PDE11A: variants seen among roughly 807,000 people sequenced by gnomAD.
PDE11A encodes phosphodiesterase 11A.
In PDE11A, 100 loss-of-function variants were observed where a neutral mutation model predicts 100.5. That is an observed-to-expected ratio of 1.00 (90% CI 0.85 to 1.18). The LOEUF is 1.18. PDE11A is among the 50% of genes most tolerant of loss of function. The probability of loss-of-function intolerance (pLI) is 0.00; values close to 1 mark genes in which losing one functional copy is unlikely to be tolerated. For missense variants in PDE11A, 1,141 were observed against 1,152.6 expected, an observed-to-expected ratio of 0.99 and a Z score of 0.15; for synonymous variants, 381 against 420.8, an observed-to-expected ratio of 0.91 and a Z score of 1.16.
At chr2:177,643,162 C>A (rs1035147323) in intron 19 of PDE11A, among the ~76,000 whole-genome samples, 1 of 152,098 alleles carries the variant, frequency 6.6e-6, no homozygotes, top group Admixed American at 6.5e-5. Flanking sequence ...TGAAAAGACA[C>A]CCGAATATGT....
chr2:177,663,141 T>C (rs541414824), intron 19 of PDE11A, among the ~76,000 whole-genome samples: 27 of 151,032 alleles, frequency 1.8e-4, no homozygotes, highest in Admixed American at 1.7e-3. Flanking sequence ...CAATAAACTG[T>C]TAGTGTTAAC....
At chr2:177,704,209 G>C (rs2081243277) in intron 13 of PDE11A, among the ~76,000 whole-genome samples, 1 of 152,090 alleles carries the variant, frequency 6.6e-6, no homozygotes, top group Admixed American at 6.6e-5. Context: ...TGACCTTCAG[G>C]AAGCTCACAA....
At chr2:177,765,717 G>A (rs904460208) in intron 10 of PDE11A, among the ~76,000 whole-genome samples, 36 of 152,196 alleles carry the variant, frequency 2.4e-4, no homozygotes, top group African/African-American at 8.4e-4. Context: ...TGGATCCATG[G>A]GAGGCTGAGG....
At chr2:178,052,486 T>C (rs963331539) in intron 1 of PDE11A, among the ~76,000 whole-genome samples, 8 of 152,072 alleles carry the variant, frequency 5.3e-5, no homozygotes, top group Non-Finnish European at 1.2e-4. Flanking sequence ...ATTCAAAAGC[T>C]AGCAGAAGGC....
chr2:177,742,562 G>T (rs190640321), intron 10 of PDE11A, among the ~76,000 whole-genome samples: 3 of 152,278 alleles, frequency 2.0e-5, no homozygotes, highest in Non-Finnish European at 4.4e-5. Context: ...CTTGCTATGT[G>T]TCAGGTACAT....
intron 2 of PDE11A, among the ~76,000 whole-genome samples, chr2:178,009,699 T>C (rs2086253841): frequency 6.6e-6 from 1 of 152,206 alleles, no homozygotes; most frequent in Non-Finnish European, 1.5e-5. Context: ...CACTGAATTA[T>C]AGGTGTAGAA....
chr2:177,938,124 G>C (rs973655675), intron 2 of PDE11A, among the ~76,000 whole-genome samples: 2 of 152,162 alleles, frequency 1.3e-5, no homozygotes, highest in Non-Finnish European at 2.9e-5. Context: ...TGAAAGGGAA[G>C]GTTGGAAGGG....
At chr2:177,737,443 A>ACACACACACACACACT (rs1236425877) in intron 10 of PDE11A, among the ~76,000 whole-genome samples, 1 of 148,710 alleles carries the variant, frequency 6.7e-6, no homozygotes, top group Non-Finnish European at 1.5e-5. Context: ...ACACACACAC[A>ACACACACACACACACT]CACACAAATT....
chr2:177,684,111 C>CT (rs1222495000), intron 15 of PDE11A, among the ~76,000 whole-genome samples: 4 of 152,154 alleles, frequency 2.6e-5, no homozygotes, highest in Non-Finnish European at 4.4e-5. Context: ...AGAAATTCAT[C>CT]TTTTTTTCAA....
At chr2:177,948,975 T>C (rs1035340588) in intron 2 of PDE11A, among the ~76,000 whole-genome samples, 1 of 152,258 alleles carries the variant, frequency 6.6e-6, no homozygotes, top group African/African-American at 2.4e-5. Flanking sequence ...TCTTTTTGCA[T>C]GGCATATGGA....
intron 10 of PDE11A, among the ~76,000 whole-genome samples, chr2:177,738,426 C>T (rs1229081516): frequency 3.3e-5 from 5 of 152,086 alleles, no homozygotes; most frequent in Non-Finnish European, 7.4e-5. Context: ...AGACAAGAGG[C>T]AGTTAAGCTT....
At chr2:177,790,300 A>C (rs1558939881) in intron 9 of PDE11A, among the ~76,000 whole-genome samples, 2 of 151,748 alleles carry the variant, frequency 1.3e-5, no homozygotes, top group South Asian at 4.2e-4. Context: ...AGGATTCCCT[A>C]TTTAATAAAT....
chr2:177,802,208 T>C (rs1353521342), intron 9 of PDE11A, among the ~76,000 whole-genome samples: 1 of 152,068 alleles, frequency 6.6e-6, no homozygotes, highest in Non-Finnish European at 1.5e-5. Context: ...ATGATAGCAT[T>C]AAATACTGGT....
At chr2:177,663,139 T>C (rs933245977) in intron 19 of PDE11A, among the ~76,000 whole-genome samples, 39 of 150,988 alleles carry the variant, frequency 2.6e-4, no homozygotes, top group Admixed American at 2.5e-3. Flanking sequence ...TACAATAAAC[T>C]GTTAGTGTTA....
At chr2:177,780,955 C>A (rs2082446068) in intron 9 of PDE11A, among the ~76,000 whole-genome samples, 1 of 152,196 alleles carries the variant, frequency 6.6e-6, no homozygotes, top group South Asian at 2.1e-4. Flanking sequence ...TTTTTAATTT[C>A]CTTCAAAAAC....
chr2:178,074,508 C>T (rs1262605634), upstream of PDE11A, among the ~76,000 whole-genome samples: 1 of 152,138 alleles, frequency 6.6e-6, no homozygotes, highest in Admixed American at 6.6e-5. Flanking sequence ...AAGCAATGAG[C>T]TTCTCAGGGA....
Position 177,641,937 on chromosome 2 carries a change from G to T in PDE11A, c.2647-12375C>A, listed in dbSNP as rs184385702. On this transcript the variant is annotated intron_variant, in intron 19 of 19. Transcript: ENST00000286063. ...AAATTCTCAAAACTACCAGGTATGT[G>T]CATTATCAACCCGTTTTAGAGAGGA... is the stretch of plus-strand genomic sequence containing the variant. 2.6e-5 allele frequency among the ~76,000 whole-genome samples: 4 copies of T among 152,296 alleles called. No individual in the cohort carries two copies. The East Asian group carries it at 5.8e-4, about 22-fold the overall frequency.
chr2:177,864,184 C>T (rs7600368), intron 5 of PDE11A, among the ~76,000 whole-genome samples: 15,351 of 151,916 alleles, frequency 0.1, 973 homozygotes, highest in African/African-American at 0.18. Flanking sequence ...ACAGTAGTTA[C>T]TAGGGGTAGT....
chr2:177,869,478 C>G lies in PDE11A; in HGVS notation c.1367+6381G>C, dbSNP rs142905137. Among the ~76,000 whole-genome samples, 141 of 152,304 alleles carry G rather than the reference C, an allele frequency of 9.3e-4. 1 individual carries two copies. Among genetic ancestry groups the G allele is most frequent in the African/African-American group, 3.2e-3 (132 of 41,568 alleles). ...CTGCTCGTGCATAACATGTCTCCGA[C>G]TTTTCCCTTCTGTTGAGCCTTTTCA... On this transcript the variant is annotated intron_variant, in intron 5 of 19. Coordinates refer to ENST00000286063, the MANE Select transcript of PDE11A (RefSeq NM_016953.4).
Sources: gnomAD v4.1 joint callset for allele counts (sites outside exome capture counted in the v4.1 genomes callset) on GRCh38, gnomAD v4.1.1 for gene constraint, MANE v1.5 for transcripts, NCBI Gene and HGNC (gene_info 2026-07-23, HGNC 2026-07-21) for gene names.